The following CD96 variants were observed in gnomAD, a reference collection of about 807,000 sequenced individuals.
CD96 encodes CD96 molecule, also known as T-cell surface protein tactile.
In CD96, 70 loss-of-function variants were observed where a neutral mutation model predicts 71.3. That is an observed-to-expected ratio of 0.98 (90% confidence interval 0.81 to 1.20). The LOEUF (loss-of-function observed/expected upper bound fraction) is 1.20. Ranked by LOEUF, CD96 falls within the 50% of genes most tolerant of loss-of-function variation. The pLI is 0.00. For missense variants in CD96, 742 were observed against 677.5 expected, an observed-to-expected ratio of 1.10 and a Z score of -1.06; for synonymous variants, 248 against 233.0, an observed-to-expected ratio of 1.06 and a Z score of -0.59.
At chr3:111,589,979 T>C (rs923219173) in intron 5 of CD96, among the ~76,000 whole-genome samples, 3 of 152,260 alleles carry the variant, frequency 2.0e-5, no homozygotes, top group Admixed American at 2.0e-4. Flanking sequence ...GTTAAATTTA[T>C]GCTCTAATGG....
intron 8 of CD96, among the ~76,000 whole-genome samples, chr3:111,613,314 A>G (rs1938053747): frequency 6.6e-6 from 1 of 152,174 alleles, no homozygotes; most frequent in Non-Finnish European, 1.5e-5. Context: ...ATCTTCCCCA[A>G]GGGAGTCCTG....
intron 8 of CD96, among the ~76,000 whole-genome samples, chr3:111,623,547 G>A (rs1411708417): frequency 6.6e-6 from 1 of 152,054 alleles, no homozygotes; most frequent in Non-Finnish European, 1.5e-5. Context: ...AGGAAACCGG[G>A]TTAATAGCAA....
intron 5 of CD96, among the ~76,000 whole-genome samples, chr3:111,587,733 C>T (rs1328023032): frequency 6.6e-6 from 1 of 152,192 alleles, no homozygotes; most frequent in Non-Finnish European, 1.5e-5. Context: ...GTTCCCAAAC[C>T]TCAATTCTTG....
chr3:111,625,149 A>C (rs992669002), intron 10 of CD96, among the ~76,000 whole-genome samples: 2 of 152,236 alleles, frequency 1.3e-5, no homozygotes, highest in Non-Finnish European at 2.9e-5. Flanking sequence ...ACCTTTAAAA[A>C]TATTTCATAT....
intron 1 of CD96, among the ~76,000 whole-genome samples, chr3:111,543,630 T>C (rs2107451867): frequency 6.6e-6 from 1 of 152,334 alleles, no homozygotes; most frequent in East Asian, 1.9e-4. Context: ...ACATTAAGTA[T>C]AGGTTACTTA....
chr3:111,654,589 T>A (rs1183113060), downstream of CD96, among the ~76,000 whole-genome samples: 1 of 152,218 alleles, frequency 6.6e-6, no homozygotes, highest in Non-Finnish European at 1.5e-5. Flanking sequence ...CACACTCAGG[T>A]TCCTCATATT....
chr3:111,600,711 G>T lies in CD96; in HGVS notation c.899-15G>T, dbSNP rs764770560. ...AAAATGTTAGTGTTGAACCATGTTC[G>T]TATCTGTCTGGCAGGAATATATATT... On this transcript the variant is annotated splice_polypyrimidine_tract_variant and intron_variant, in intron 6 of 13. Coordinates refer to ENST00000352690, the MANE Select transcript of CD96 (RefSeq NM_005816.5). 5.1e-6 allele frequency: 8 copies of T among 1,583,758 alleles called. No homozygotes were observed. The highest frequency in any genetic ancestry group is 2.2e-5 in the East Asian group (1 of 44,702).
chr3:111,613,794 T>A (rs1336514382), intron 8 of CD96, among the ~76,000 whole-genome samples: 1 of 152,248 alleles, frequency 6.6e-6, no homozygotes, highest in Admixed American at 6.5e-5. Context: ...ATTTTTAGGT[T>A]CAGTTTTACA....
rs554395952 is a variant in CD96 at position 111,580,602 on chromosome 3, T to C, written c.751+1368T>C. On this transcript the variant is annotated intron_variant, in intron 4 of 13. Coordinates refer to ENST00000352690, the MANE Select transcript of CD96 (RefSeq NM_005816.5). Reference sequence around the variant, plus strand: ...TATTTGGAATTGTATTGCCCTATTATTGGCAGTCATACAATTTAGTATTTT... The same window carrying C: ...TATTTGGAATTGTATTGCCCTATTACTGGCAGTCATACAATTTAGTATTTT... 9.1e-4 allele frequency among the ~76,000 whole-genome samples: 139 copies of C among 152,330 alleles called. 1 individual carries two copies. The South Asian group carries it at 0.016, about 17-fold the overall frequency.
rs77294134 is a variant in CD96 at position 111,617,205 on chromosome 3, G to A, written c.1181-6549G>A. On this transcript the variant is annotated intron_variant, in intron 8 of 13. Coordinates refer to ENST00000352690, the MANE Select transcript of CD96 (RefSeq NM_005816.5). ...GGTGCAAACAGCCTGGGCTATGGAA[G>A]GCATGATGACAGTGGGAGGCTGACT... Among the ~76,000 whole-genome samples, 1,149 of 152,346 alleles carry A rather than the reference G, an allele frequency of 7.5e-3. 17 individuals carry two copies. The highest frequency in any genetic ancestry group is 0.026 in the African/African-American group (1,090 of 41,586).
chr3:111,608,354 A>G (rs1204835522), intron 8 of CD96, among the ~76,000 whole-genome samples: 2 of 152,196 alleles, frequency 1.3e-5, no homozygotes, highest in Non-Finnish European at 2.9e-5. Context: ...TTTATCTACT[A>G]GAAGTAAGTC....
At chr3:111,562,073 A>ACGGTGCG (rs1208465741) in intron 2 of CD96, among the ~76,000 whole-genome samples, 1 of 152,198 alleles carries the variant, frequency 6.6e-6, no homozygotes, top group African/African-American at 2.4e-5. Flanking sequence ...CGGCTCCCGC[A>ACGGTGCG]CGGTGCGCGC....
intron 2 of CD96, among the ~76,000 whole-genome samples, chr3:111,549,483 A>G (rs1405206730): frequency 6.6e-6 from 1 of 152,180 alleles, no homozygotes; most frequent in East Asian, 1.9e-4. Context: ...CATTTCAAAA[A>G]TGCATCTTTG....
At chr3:111,587,906 G>T (rs1304307555) in intron 5 of CD96, among the ~76,000 whole-genome samples, 1 of 152,176 alleles carries the variant, frequency 6.6e-6, no homozygotes, top group African/African-American at 2.4e-5. Flanking sequence ...ACAGCATGGA[G>T]ACCTGGGGCA....
At chr3:111,588,954 C>CTTTTTTTTTTT (rs772858162) in intron 5 of CD96, among the ~76,000 whole-genome samples, 10 of 136,252 alleles carry the variant, frequency 7.3e-5, no homozygotes, top group African/African-American at 1.1e-4. Context: ...CTTTTTTTTT[C>CTTTTTTTTTTT]TTTTTTTTTT....
At chr3:111,604,470 C>T (rs535738452) in intron 7 of CD96, among the ~76,000 whole-genome samples, 170 of 152,336 alleles carry the variant, frequency 1.1e-3, no homozygotes, top group Middle Eastern at 6.8e-3. Context: ...TTCCACTTTA[C>T]AGTCTAATCT....
chr3:111,616,511 A>C (rs16858340), intron 8 of CD96, among the ~76,000 whole-genome samples: 18,786 of 152,026 alleles, frequency 0.12, 1,480 homozygotes, highest in East Asian at 0.28. Context: ...GTTGCGTGCT[A>C]GACATCATGA....
chr3:111,588,044 T>C (rs2107610224), intron 5 of CD96, among the ~76,000 whole-genome samples: 1 of 152,376 alleles, frequency 6.6e-6, no homozygotes, highest in Middle Eastern at 3.4e-3. Flanking sequence ...AGCTCCTTGT[T>C]ACTTATGCAA....
At chr3:111,598,274 A>G in intron 6 of CD96, 64 bp downstream of exon 6, 1 of 791,754 alleles carries the variant, frequency 1.3e-6, no homozygotes. Flanking sequence ...GAACATTAGA[A>G]ATTGTCATTG....
Sources: gnomAD v4.1 joint callset for allele counts (sites outside exome capture counted in the v4.1 genomes callset) on GRCh38, gnomAD v4.1.1 for gene constraint, MANE v1.5 for transcripts, NCBI Gene and HGNC (gene_info 2026-07-23, HGNC 2026-07-21) for gene names.